Variants in COL4A1 observed in about 807,000 individuals in gnomAD.
COL4A1 encodes collagen alpha-1(IV) chain.
Under a neutral mutation model 216.6 loss-of-function variants are expected in COL4A1, and 40 were observed. The ratio of observed to expected loss-of-function variants is 0.18; its 90% confidence interval spans 0.14 to 0.24. The LOEUF is 0.24. Among genes scored for constraint, COL4A1 ranks in the 10% least tolerant of loss-of-function variants. The pLI, the probability that COL4A1 is intolerant of heterozygous loss-of-function variation, is 1.00. For missense variants in COL4A1, 1,628 were observed against 2,196.8 expected (o/e 0.74, Z 5.18); for synonymous variants, 839 against 810.7 (o/e 1.03, Z -0.59).
In COL4A1 at chr13:110,181,434, C is replaced by T. The variant is rs747923807; in HGVS notation, c.2096-45G>A. ...AAAAAAAACAAACAAACAATCATTG[C>T]GATTACAATGCCGTTCCCCACTTTC... is the stretch of plus-strand genomic sequence containing the variant. On this transcript the variant is annotated intron_variant, in intron 28 of 51. Transcript: ENST00000375820. 4.0e-6 allele frequency: 6 copies of T among 1,506,122 alleles called. No homozygotes were observed. The East Asian group carries it at 7.0e-5, about 18-fold the overall frequency. 93.3% of individuals were successfully genotyped at this position (1,506,122 alleles called of 1,614,324 possible).
At chr13:110,250,263 C>G (rs1882013855) in intron 1 of COL4A1, among the ~76,000 whole-genome samples, 1 of 151,046 alleles carries the variant, frequency 6.6e-6, no homozygotes, top group Admixed American at 6.6e-5. Flanking sequence ...TGTAACATGT[C>G]TCTCTCTGTG....
chr13:110,251,871 T>C (rs1395284333), intron 1 of COL4A1, among the ~76,000 whole-genome samples: 1 of 152,214 alleles, frequency 6.6e-6, no homozygotes, highest in Admixed American at 6.5e-5. Flanking sequence ...AGGCACAGTC[T>C]TCTCCGCCTT....
chr13:110,214,502 A>G (rs1403569980), intron 2 of COL4A1, among the ~76,000 whole-genome samples: 2 of 152,196 alleles, frequency 1.3e-5, no homozygotes, highest in Admixed American at 6.5e-5. Context: ...AGAGATGGGC[A>G]TTTGAATACA....
chr13:110,181,080 A>C (rs1566354803), intron 29 of COL4A1, among the ~76,000 whole-genome samples: 1 of 152,264 alleles, frequency 6.6e-6, no homozygotes, highest in Non-Finnish European at 1.5e-5. Context: ...AAATTGAAAC[A>C]AATGTTTCAT....
At position 110,174,474 on chromosome 13, in the gene COL4A1, A is replaced by G. The variant is rs1010708250; in HGVS notation, c.3378T>C (p.Asp1126=). 9 of 1,614,158 alleles carry G rather than the reference A, an allele frequency of 5.6e-6. No individual in the cohort carries two copies. The highest frequency in any genetic ancestry group is 7.6e-6 in the Non-Finnish European group (9 of 1,180,028). Residue 1126 remains aspartate (D), a synonymous_variant, in exon 39 of 52, where the codon GAT becomes GAC. Transcript: ENST00000375820. ...CTTCTCCTTTGACACCAGGGATGCC[A>G]TCCAATCCTGGGAGGCCTTTGTCAC... ...EKGDKGLPGL[D]GIPGVKGEAG...
chr13:110,283,828 T>C (rs1475923913), intron 1 of COL4A1, among the ~76,000 whole-genome samples: 1 of 151,990 alleles, frequency 6.6e-6, no homozygotes, highest in African/African-American at 2.4e-5. Context: ...ATTTGGGGGG[T>C]TATTTTTCAT....
Position 110,211,714 on chromosome 13 carries a change from A to G in COL4A1, c.442-41T>C, listed in dbSNP as rs773515223. ...TTGGTGTTAGTTTTGTTTTTCTCAA[A>G]ATATCATTAGCATTAAAATTGTTAT... On this transcript the variant is annotated intron_variant, in intron 7 of 51. Coordinates refer to ENST00000375820, the MANE Select transcript of COL4A1 (RefSeq NM_001845.6). The surrounding 1 kb of genome is among the most constrained non-coding windows in gnomAD (Gnocchi z 4.3). 2.4e-5 allele frequency: 38 copies of G among 1,590,976 alleles called. No individual in the cohort carries two copies. The highest frequency in any genetic ancestry group is 3.2e-5 in the Non-Finnish European group (37 of 1,163,550).
intron 2 of COL4A1, among the ~76,000 whole-genome samples, chr13:110,221,740 T>C (rs1387785222): frequency 6.6e-6 from 1 of 152,204 alleles, no homozygotes; most frequent in East Asian, 1.9e-4. Context: ...AATGCTCTCA[T>C]TAATTCTTAC....
rs1419475985 is a variant in COL4A1 at position 110,206,908 on chromosome 13, G to C, written c.781-17C>G. 6.2e-7 allele frequency: 1 copy of C among 1,613,300 alleles called. No individual in the cohort carries two copies. The highest frequency in any genetic ancestry group is 1.1e-5 in the South Asian group (1 of 91,038). ...TTTTTGGCCCTGAAAGAATTCGAGA[G>C]ACAGATCAGCACTATCAAACAGCTG... is the stretch of plus-strand genomic sequence containing the variant. On this transcript the variant is annotated splice_polypyrimidine_tract_variant and intron_variant, in intron 13 of 51. Coordinates refer to ENST00000375820, the MANE Select transcript of COL4A1 (RefSeq NM_001845.6).
At chr13:110,178,720 T>A (rs1430536464) in intron 31 of COL4A1, among the ~76,000 whole-genome samples, 1 of 152,214 alleles carries the variant, frequency 6.6e-6, no homozygotes, top group Non-Finnish European at 1.5e-5. Context: ...GTTTGGCACA[T>A]CATCTCAGTG....
chr13:110,150,501 A>C (rs1045664687), intron 51 of COL4A1, 57 bp from the exon 52 acceptor site: 1 of 1,537,536 alleles, frequency 6.5e-7, no homozygotes, highest in African/African-American at 1.4e-5. Flanking sequence ...CGTCAGAAAC[A>C]TGGCACTCCT....
At chr13:110,254,893 A>G (rs566599818) in intron 1 of COL4A1, among the ~76,000 whole-genome samples, 1 of 152,350 alleles carries the variant, frequency 6.6e-6, no homozygotes, top group South Asian at 2.1e-4. Context: ...CTCACTTGGT[A>G]GCAATTTAAT....
At chr13:110,160,193 A>C (rs943337607) in intron 49 of COL4A1, among the ~76,000 whole-genome samples, 1 of 119,470 alleles carries the variant, frequency 8.4e-6, no homozygotes, top group South Asian at 2.4e-4. Context: ...CTGTAATCCC[A>C]GCACTTTGGG....
intron 24 of COL4A1, among the ~76,000 whole-genome samples, chr13:110,189,729 C>G (rs1878550528): frequency 6.6e-6 from 1 of 152,140 alleles, no homozygotes; most frequent in Non-Finnish European, 1.5e-5. Flanking sequence ...TCCTTCAATC[C>G]CAGCTAAAAT....
At chr13:110,293,314 A>G (rs951253740) in intron 1 of COL4A1, among the ~76,000 whole-genome samples, 53 of 152,208 alleles carry the variant, frequency 3.5e-4, no homozygotes, top group African/African-American at 1.7e-4. Flanking sequence ...GACCCAGGGA[A>G]GAGTCAGTAA....
chr13:110,284,775 A>G (rs1365845244), intron 1 of COL4A1, among the ~76,000 whole-genome samples: 2 of 152,252 alleles, frequency 1.3e-5, no homozygotes, highest in Non-Finnish European at 2.9e-5. Context: ...GCAAATGCTG[A>G]TGGAGATTAC....
chr13:110,162,589 A>G, intron 47 of COL4A1, 147 bp from the exon 48 acceptor site: 2 of 701,664 alleles, frequency 2.9e-6, no homozygotes. Context: ...GTCTAAAAAG[A>G]ATGCATGGCT....
intron 31 of COL4A1, among the ~76,000 whole-genome samples, chr13:110,178,627 T>C (rs1220856744): frequency 2.0e-5 from 3 of 152,128 alleles, no homozygotes; most frequent in African/African-American, 7.2e-5. Context: ...TAATTAACCG[T>C]CCTATGGAAA....
chr13:110,152,266 C>T lies in COL4A1; in HGVS notation c.4928+68G>A, dbSNP rs8000795. 5,217 of 1,595,876 alleles carry T rather than the reference C, an allele frequency of 3.3e-3. 142 individuals are homozygous for T. The African/African-American group carries it at 0.062, about 19-fold the overall frequency. Reference sequence around the variant, plus strand: ...CTTTGCATTGGAAGGTGTTACGGATCGCGGATGATTAAAAAATAAAGTCAC... The same window carrying T: ...CTTTGCATTGGAAGGTGTTACGGATTGCGGATGATTAAAAAATAAAGTCAC... On this transcript the variant is annotated intron_variant, in intron 51 of 51. Coordinates refer to ENST00000375820, the MANE Select transcript of COL4A1 (RefSeq NM_001845.6).
Sources: allele counts gnomAD v4.1 joint callset (sites outside exome capture counted in the v4.1 genomes callset), GRCh38; gene constraint gnomAD v4.1.1; non-coding constraint Gnocchi (gnomAD v3.1); transcripts MANE v1.5; gene names NCBI Gene and HGNC (gene_info 2026-07-23, HGNC 2026-07-21).